POLD3: variants seen among roughly 807,000 people sequenced by gnomAD.
POLD3 encodes DNA polymerase delta subunit 3.
In POLD3, 19 loss-of-function variants were observed where a neutral mutation model predicts 58.2. The ratio of observed to expected loss-of-function variants is 0.33; its 90% CI spans 0.23 to 0.48. The LOEUF is 0.48. Among genes scored for constraint, POLD3 ranks in the 20% least tolerant of loss-of-function variants. POLD3 has a pLI of 0.99. For synonymous variants in POLD3, 172 were observed against 193.5 expected, an observed-to-expected ratio of 0.89 and a Z score of 0.92; for missense variants, 504 against 545.5, an observed-to-expected ratio of 0.92 and a Z score of 0.76.
chr11:74,609,537 C>T (rs912287572), intron 3 of POLD3, among the ~76,000 whole-genome samples: 20 of 151,052 alleles, frequency 1.3e-4, no homozygotes, highest in African/African-American at 3.2e-4. Context: ...TCCACCGCCA[C>T]GCCCTGCTAA....
intron 3 of POLD3, among the ~76,000 whole-genome samples, chr11:74,609,101 A>C (rs545640811): frequency 3.3e-5 from 5 of 152,050 alleles, no homozygotes; most frequent in Admixed American, 6.6e-5. Context: ...ATTACCAACA[A>C]TTTGATTACT....
Position 74,625,652 on chromosome 11 carries a change from C to T in POLD3, c.899+79C>T, listed in dbSNP as rs554470071. 7.6e-6 allele frequency: 9 copies of T among 1,190,688 alleles called. No homozygotes were observed. In the Admixed American group the frequency reaches 1.8e-4, roughly 24 times the overall value. The allele number at this position is 1,190,688 out of a possible 1,614,324, so 73.8% of individuals were successfully genotyped here. A position where few individuals can be genotyped will look rare whatever the true frequency, so the allele number is the denominator to read the frequency against. Reference sequence around the variant, plus strand: ...TCTCTTTGGGCTTATTGACAGCAGGCAGTTTTCAGTTAAGTACTAAATCCT... The same window carrying T: ...TCTCTTTGGGCTTATTGACAGCAGGTAGTTTTCAGTTAAGTACTAAATCCT... On this transcript the variant is annotated intron_variant, in intron 8 of 11. Transcript: ENST00000263681.
intron 4 of POLD3, among the ~76,000 whole-genome samples, chr11:74,649,363 A>G (rs989662476): frequency 1.3e-5 from 2 of 152,226 alleles, no homozygotes; most frequent in African/African-American, 4.8e-5. Context: ...TCCAGCTAGT[A>G]CATGGTAGAG....
intron 5 of POLD3, among the ~76,000 whole-genome samples, chr11:74,614,561 T>C (rs904599026): frequency 2.6e-5 from 4 of 152,034 alleles, no homozygotes; most frequent in African/African-American, 9.7e-5. Context: ...ATACAAAAAA[T>C]TAGCTGGGCA....
At chr11:74,634,074 T>A (rs1008363761) in intron 9 of POLD3, among the ~76,000 whole-genome samples, 1 of 152,216 alleles carries the variant, frequency 6.6e-6, no homozygotes, top group African/African-American at 2.4e-5. Context: ...AGATAATGTC[T>A]TGTCCTCAAT....
At chr11:74,613,066 T>C in intron 5 of POLD3, 56 bp downstream of exon 5, 1 of 1,524,060 alleles carries the variant, frequency 6.6e-7, no homozygotes, top group African/African-American at 1.4e-5. Context: ...TGTAAGATGT[T>C]TACACAGTGG....
chr11:74,663,706 A>G (rs1195345900), intron 4 of POLD3, among the ~76,000 whole-genome samples: 1 of 152,228 alleles, frequency 6.6e-6, no homozygotes, highest in Non-Finnish European at 1.5e-5. Flanking sequence ...TGGATAGTCA[A>G]ACTTTTTTAG....
intron 9 of POLD3, among the ~76,000 whole-genome samples, chr11:74,631,332 A>C (rs1435570482): frequency 6.6e-6 from 1 of 152,086 alleles, no homozygotes; most frequent in Non-Finnish European, 1.5e-5. Context: ...AGATTAGTTA[A>C]CTTGTTTAAT....
rs947790977 is a variant in POLD3 at position 74,642,843 on chromosome 11, A to G, written c.*2077A>G. ...TTTCAGTTGATATTGTTAAAACTGC[A>G]TACCCACAGTCTGAGATGAACAAGT... On this transcript the variant is annotated 3_prime_UTR_variant, in exon 12 of 12. Transcript: ENST00000263681. 64 of 985,172 alleles carry G rather than the reference A, an allele frequency of 6.5e-5. 1 individual carries two copies. The highest frequency in any genetic ancestry group is 2.3e-4 in the South Asian group (5 of 21,284). The allele number at this position is 985,172 out of a possible 1,614,324, so 61.0% of individuals were successfully genotyped here.
At chr11:74,656,442 C>G (rs58659624) in intron 4 of POLD3, among the ~76,000 whole-genome samples, 59,906 of 152,006 alleles carry the variant, frequency 0.39, 13,468 homozygotes, top group Non-Finnish European at 0.51. Context: ...CAAAAATTAG[C>G]CAGGCATGGT....
chr11:74,625,327 G>A, intron 7 of POLD3, 81 bp from the exon 8 acceptor site: 4 of 1,145,150 alleles, frequency 3.5e-6, no homozygotes, highest in Middle Eastern at 2.8e-4. Flanking sequence ...ATATTACCTG[G>A]CACATGGTAG....
At chr11:74,607,739 G>A (rs996225488) in intron 3 of POLD3, among the ~76,000 whole-genome samples, 7 of 151,550 alleles carry the variant, frequency 4.6e-5, no homozygotes, top group Non-Finnish European at 7.4e-5. Flanking sequence ...TTGCCACCAC[G>A]CCCAGCTAAT....
chr11:74,609,454 T>C lies in POLD3; in HGVS notation c.220-2045T>C, dbSNP rs551658576. On this transcript the variant is annotated intron_variant, in intron 3 of 11. Transcript: ENST00000263681. ...TGGAGTGCAGTGGCGTGATCTCAGC[T>C]CACTGCATCCTCTGCCTCCCAGGTT... is the stretch of plus-strand genomic sequence containing the variant. 2.7e-3 allele frequency among the ~76,000 whole-genome samples: 385 copies of C among 143,108 alleles called. 1 individual carries two copies. Among genetic ancestry groups the C allele is most frequent in the Middle Eastern group, 7.5e-3 (2 of 266 alleles). 93.9% of individuals were successfully genotyped at this position (143,108 alleles called of 152,430 possible).
intron 3 of POLD3, among the ~76,000 whole-genome samples, chr11:74,610,360 A>G (rs4944914): frequency 0.39 from 59,848 of 151,734 alleles, 12,857 homozygotes; most frequent in African/African-American, 0.57. Flanking sequence ...ACAGGCATGC[A>G]CCACCATGCC....
At chr11:74,660,431 A>C (rs773338329) in intron 4 of POLD3, among the ~76,000 whole-genome samples, 3 of 152,168 alleles carry the variant, frequency 2.0e-5, no homozygotes, top group Non-Finnish European at 4.4e-5. Flanking sequence ...TTTAAGGTCA[A>C]TAACTCTTAG....
At chr11:74,628,814 G>A (rs747807906) in intron 8 of POLD3, 1 of 153,760 alleles carries the variant, frequency 6.5e-6, no homozygotes, top group East Asian at 1.9e-4. Flanking sequence ...GTTTGCCAGA[G>A]CTTCTTGAAA....
chr11:74,616,096 A>G (rs1294420107), intron 5 of POLD3, among the ~76,000 whole-genome samples: 10 of 152,310 alleles, frequency 6.6e-5, no homozygotes. Flanking sequence ...GGCTCTAAAA[A>G]TCAGTTCCCT....
Position 74,625,391 on chromosome 11 carries a change from CTA to C in POLD3, c.734-14_734-13del. The C allele has an allele frequency of 6.3e-7, 1 of 1,589,270 alleles. No homozygotes were observed. ...GCATGATGGGGTCATATGTCGTCTG[CTA>C]TACTTTATTTATAGATAAATTTAAA... is the stretch of plus-strand genomic sequence containing the variant. On this transcript the variant is annotated splice_polypyrimidine_tract_variant and intron_variant, in intron 7 of 11. Transcript: ENST00000263681.
intron 4 of POLD3, among the ~76,000 whole-genome samples, chr11:74,651,639 T>C (rs1023287395): frequency 2.6e-5 from 4 of 152,324 alleles, no homozygotes; most frequent in Admixed American, 6.5e-5. Context: ...AAGTGACATT[T>C]AAGTCAGACT....
Sources: gnomAD v4.1 joint callset for allele counts (sites outside exome capture counted in the v4.1 genomes callset) on GRCh38, gnomAD v4.1.1 for gene constraint, MANE v1.5 for transcripts, NCBI Gene and HGNC (gene_info 2026-07-23, HGNC 2026-07-21) for gene names.